The following ANKRD11 variants were observed in gnomAD, a reference collection of about 807,000 sequenced individuals.
The protein encoded by ANKRD11 is ankyrin repeat domain 11.
A neutral mutation model predicts 195.7 loss-of-function variants in ANKRD11; 17 were observed. The ratio of observed to expected loss-of-function variants is 0.09; its 90% CI spans 0.06 to 0.13. The LOEUF (loss-of-function observed/expected upper bound fraction) is 0.13. Ranked by LOEUF, ANKRD11 falls within the 10% of genes least tolerant of loss-of-function variation. The pLI, the probability that ANKRD11 is intolerant of heterozygous loss-of-function variation, is 1.00. For synonymous variants in ANKRD11, 1,953 were observed against 1,528.1 expected (o/e 1.28, Z -6.49); for missense variants, 3,735 against 3,566.1 (o/e 1.05, Z -1.21).
intron 3 of ANKRD11, among the ~76,000 whole-genome samples, chr16:89,310,702 T>A (rs547271877): frequency 6.6e-6 from 1 of 152,270 alleles, no homozygotes; most frequent in Non-Finnish European, 1.5e-5. Context: ...GTATTTTTTA[T>A]ACTACTGCAA....
At chr16:89,418,403 A>G in intron 1 of ANKRD11, 35 bp from the exon 2 acceptor site, 1 of 424,510 alleles carries the variant, frequency 2.4e-6, no homozygotes, top group South Asian at 1.6e-5. Context: ...TCATGTCAAT[A>G]ATAATTTCAG....
At chr16:89,384,786 GC>G (rs746578397) in intron 2 of ANKRD11, among the ~76,000 whole-genome samples, 9 of 151,196 alleles carry the variant, frequency 6.0e-5, no homozygotes, top group Admixed American at 4.0e-4. Context: ...GAAAAAGCAG[GC>G]CCACTAGACA....
intron 2 of ANKRD11, among the ~76,000 whole-genome samples, chr16:89,338,139 A>G (rs1567668930): frequency 6.6e-6 from 1 of 152,180 alleles, no homozygotes; most frequent in Non-Finnish European, 1.5e-5. Flanking sequence ...CTCCCAGGAC[A>G]CTGCCCCAAG....
At chr16:89,482,836 G>T (rs898687135) in intron 1 of ANKRD11, among the ~76,000 whole-genome samples, 1 of 152,210 alleles carries the variant, frequency 6.6e-6, no homozygotes, top group African/African-American at 2.4e-5. Context: ...CATGAGGCTG[G>T]CTTTGAAGAC....
intron 1 of ANKRD11, among the ~76,000 whole-genome samples, chr16:89,428,321 C>T (rs569224605): frequency 8.6e-4 from 131 of 151,682 alleles, no homozygotes; most frequent in Middle Eastern, 3.4e-3. Flanking sequence ...GTCAGGAGAT[C>T]GAGACCATCC....
At chr16:89,356,897 T>G (rs1010483223) in intron 2 of ANKRD11, among the ~76,000 whole-genome samples, 11 of 152,202 alleles carry the variant, frequency 7.2e-5, no homozygotes, top group African/African-American at 2.7e-4. Flanking sequence ...CCAGGCCCTG[T>G]GGCTGTAATC....
chr16:89,293,002 AC>A (rs1229690005), intron 4 of ANKRD11, among the ~76,000 whole-genome samples: 1 of 151,784 alleles, frequency 6.6e-6, no homozygotes, highest in Non-Finnish European at 1.5e-5. Context: ...TGCTGGAGAA[AC>A]CCCAGCTCCC....
intron 2 of ANKRD11, chr16:89,395,856 G>C (rs763269731): frequency 3.9e-5 from 6 of 152,144 alleles, no homozygotes; most frequent in Non-Finnish European, 5.9e-5. Context: ...GGGGTGGTGC[G>C]GCAAGACTGT....
intron 1 of ANKRD11, among the ~76,000 whole-genome samples, chr16:89,437,717 G>T (rs920259103): frequency 1.3e-5 from 2 of 152,060 alleles, no homozygotes; most frequent in Middle Eastern, 3.2e-3. Flanking sequence ...TGGTGCCCTG[G>T]CCACTCTCAT....
chr16:89,288,832 G>T, intron 6 of ANKRD11, 162 bp from the exon 7 acceptor site: 1 of 926,858 alleles, frequency 1.1e-6, no homozygotes, highest in Non-Finnish European at 1.7e-6. Flanking sequence ...CTGGCCCAGA[G>T]AACCCCTAAA....
rs1211912512 is a variant in ANKRD11, at chr16:89,460,876, G to A, written c.-145+29369C>T. ...TCCAAAAGGGAAATATGCCAGTCAC[G>A]AAAGGACAAATATTGTATGACCCCC... On this transcript the variant is annotated intron_variant, in intron 1 of 12. Coordinates refer to ENST00000301030, the MANE Select transcript of ANKRD11 (RefSeq NM_013275.6). Among the ~76,000 whole-genome samples, 9 of 152,106 alleles carry A rather than the reference G, an allele frequency of 5.9e-5. No individual in the cohort carries two copies. The South Asian group carries it at 6.2e-4, about 11-fold the overall frequency.
At chr16:89,313,778 C>A (rs572775102) in intron 3 of ANKRD11, among the ~76,000 whole-genome samples, 1 of 152,280 alleles carries the variant, frequency 6.6e-6, no homozygotes, top group African/African-American at 2.4e-5. Flanking sequence ...GCAGCTGCAA[C>A]CAGGAGTGCG....
Position 89,428,202 on chromosome 16 carries a change from C to A in ANKRD11, c.-144-9834G>T, listed in dbSNP as rs754726994. ...CAGCCTAGGCAGCAGAGCAAGACTC[C>A]ATCTCAAAAAAATAGATTAATTAAT... On this transcript the variant is annotated intron_variant, in intron 1 of 12. Coordinates refer to ENST00000301030, the MANE Select transcript of ANKRD11 (RefSeq NM_013275.6). Among the ~76,000 whole-genome samples, 305 of 151,480 alleles carry A rather than the reference C, an allele frequency of 2.0e-3. 1 individual carries two copies. The highest frequency in any genetic ancestry group is 3.4e-3 in the Middle Eastern group (1 of 290).
intron 1 of ANKRD11, among the ~76,000 whole-genome samples, chr16:89,432,773 C>G (rs1219412748): frequency 6.6e-6 from 1 of 152,016 alleles, no homozygotes; most frequent in African/African-American, 2.4e-5. Context: ...AATGGGACCC[C>G]ATCCCTATAA....
chr16:89,396,437 C>T (rs151321697), intron 2 of ANKRD11, among the ~76,000 whole-genome samples: 1 of 152,156 alleles, frequency 6.6e-6, no homozygotes, highest in Admixed American at 6.5e-5. Flanking sequence ...GAAACGCTCA[C>T]AGCACAAACA....
At chr16:89,277,147 C>T (rs74033732) in intron 9 of ANKRD11, among the ~76,000 whole-genome samples, 1,773 of 152,278 alleles carry the variant, frequency 0.012, 36 homozygotes, top group African/African-American at 0.04. Flanking sequence ...CCTGCCTCGA[C>T]GAGCCCAGCC....
At chr16:89,402,012 C>G (rs1372990799) in intron 2 of ANKRD11, among the ~76,000 whole-genome samples, 1 of 149,216 alleles carries the variant, frequency 6.7e-6, no homozygotes, top group Admixed American at 6.8e-5. Context: ...CGTGGGAGAA[C>G]AGATCCTTGC....
intron 1 of ANKRD11, among the ~76,000 whole-genome samples, chr16:89,438,403 T>G (rs907207048): frequency 6.6e-6 from 1 of 151,816 alleles, no homozygotes. Context: ...CACTGCAGCC[T>G]CCGCCTCCTG....
rs566855258 is a variant in ANKRD11 at position 89,291,506 on chromosome 16, G to T, written c.227-323C>A. ...CAGACCTCGTACCACACATGAATGC[G>T]GTGGGACAGCTTAGCACCGGTGACC... On this transcript the variant is annotated intron_variant, in intron 4 of 12. Coordinates refer to ENST00000301030, the MANE Select transcript of ANKRD11 (RefSeq NM_013275.6). The surrounding 1 kb of genome is among the most constrained non-coding windows in gnomAD (Gnocchi z 5.3). Among the ~76,000 whole-genome samples, 1 of 152,278 alleles carries T rather than the reference G, an allele frequency of 6.6e-6. No homozygotes were observed. Among genetic ancestry groups the T allele is most frequent in the Non-Finnish European group, 1.5e-5 (1 of 68,006 alleles).
Sources: allele counts gnomAD v4.1 joint callset (sites outside exome capture counted in the v4.1 genomes callset), GRCh38; gene constraint gnomAD v4.1.1; non-coding constraint Gnocchi (gnomAD v3.1); transcripts MANE v1.5; gene names NCBI Gene and HGNC (gene_info 2026-07-23, HGNC 2026-07-21).